The following BCKDHB variants were observed in gnomAD, a reference collection of about 807,000 sequenced individuals.
The protein encoded by BCKDHB is branched chain keto acid dehydrogenase E1 subunit beta, also known as 2-oxoisovalerate dehydrogenase subunit beta, mitochondrial.
Under a neutral mutation model 48.5 loss-of-function variants are expected in BCKDHB, and 41 were observed. The ratio of observed to expected loss-of-function variants is 0.85; its 90% CI spans 0.66 to 1.10. The LOEUF is 1.10. Ranked by LOEUF, BCKDHB falls within the 50% of genes least tolerant of loss-of-function variation. The pLI, the probability that BCKDHB is intolerant of heterozygous loss-of-function variation, is 0.00. For missense variants in BCKDHB, 496 were observed against 494.2 expected (o/e 1.00, Z -0.03); for synonymous variants, 201 against 174.8 (o/e 1.15, Z -1.18).
At chr6:80,384,355 T>C in the BCKDHB span, among the ~76,000 whole-genome samples, 1 of 151,770 alleles carries the variant, frequency 6.6e-6, no homozygotes, top group African/African-American at 2.4e-5. Flanking sequence ...CTTCTTTTTT[T>C]TTTTTTTTGT....
chr6:80,278,434 T>C (rs1270813153), intron 9 of BCKDHB, among the ~76,000 whole-genome samples: 1 of 152,222 alleles, frequency 6.6e-6, no homozygotes, highest in African/African-American at 2.4e-5. Flanking sequence ...TGGATTGGGC[T>C]GCTTCATTAC....
intron 1 of BCKDHB, 129 bp downstream of exon 1, chr6:80,107,018 G>GAAGTT: frequency 8.2e-7 from 1 of 1,220,042 alleles, no homozygotes; most frequent in Non-Finnish European, 1.2e-6. Flanking sequence ...TGACTCTCTG[G>GAAGTT]AACCTCCTTG....
At chr6:80,245,523 T>C (rs952131696) in intron 8 of BCKDHB, among the ~76,000 whole-genome samples, 76 of 152,226 alleles carry the variant, frequency 5.0e-4, no homozygotes, top group African/African-American at 1.8e-3. Context: ...AAAAACACGA[T>C]AGAGATCATT....
intron 9 of BCKDHB, among the ~76,000 whole-genome samples, chr6:80,330,614 C>T (rs1272731397): frequency 3.3e-5 from 5 of 152,080 alleles, no homozygotes. Context: ...CTGGCAAATA[C>T]CTCCCTAAAT....
the BCKDHB span, among the ~76,000 whole-genome samples, chr6:80,457,740 A>T: frequency 3.8e-3 from 584 of 152,310 alleles, 7 homozygotes; most frequent in African/African-American, 0.013. Context: ...CTTGTTGCTA[A>T]CATACTCATC....
intron 9 of BCKDHB, among the ~76,000 whole-genome samples, chr6:80,330,898 A>G: frequency 6.6e-6 from 1 of 152,146 alleles, no homozygotes; most frequent in Non-Finnish European, 1.5e-5. Flanking sequence ...TTACTATGTC[A>G]CAAATTTTAC....
chr6:80,413,452 C>T, the BCKDHB span, among the ~76,000 whole-genome samples: 1 of 152,158 alleles, frequency 6.6e-6, no homozygotes, highest in Admixed American at 6.5e-5. Flanking sequence ...CCTTTTCCCA[C>T]CCTCCACTCT....
rs999814718 is a variant in BCKDHB at position 80,220,739 on chromosome 6, T to TC, written c.951+17527_951+17528insC. Among the ~76,000 whole-genome samples, 9 of 138,004 alleles carry TC rather than the reference T, an allele frequency of 6.5e-5. No individual in the cohort carries two copies. In the South Asian group the frequency reaches 1.3e-3, roughly 20 times the overall value. 90.5% of individuals were successfully genotyped at this position (138,004 alleles called of 152,430 possible). A position where few individuals can be genotyped will look rare whatever the true frequency, so the allele number is the denominator to read the frequency against. Reference sequence around the variant, plus strand: ...GCTCTTTTTCTTTTCTTTTTCTTTTTTTTTTTTTTTTTGAGATGGAGTTTT... The same window carrying TC: ...GCTCTTTTTCTTTTCTTTTTCTTTTTCTTTTTTTTTTTTGAGATGGAGTTTT... On this transcript the variant is annotated intron_variant, in intron 8 of 9. Coordinates refer to ENST00000320393, the MANE Select transcript of BCKDHB (RefSeq NM_183050.4).
chr6:80,134,862 T>C (rs2505935), intron 3 of BCKDHB, among the ~76,000 whole-genome samples: 93,726 of 151,834 alleles, frequency 0.62, 29,174 homozygotes, highest in South Asian at 0.77. Context: ...AAGTGATTCT[T>C]GTGCCTCAGC....
chr6:80,226,660 A>AT (rs1775692401), intron 8 of BCKDHB, among the ~76,000 whole-genome samples: 1 of 152,204 alleles, frequency 6.6e-6, no homozygotes, highest in Non-Finnish European at 1.5e-5. Context: ...AAGAAGCTGA[A>AT]TTTTCTTGGA....
chr6:80,229,852 T>C (rs1046832811), intron 8 of BCKDHB, among the ~76,000 whole-genome samples: 5 of 151,844 alleles, frequency 3.3e-5, no homozygotes, highest in East Asian at 1.9e-4. Context: ...TAAAATACTT[T>C]AGAATAAATT....
chr6:80,388,419 T>C, the BCKDHB span, among the ~76,000 whole-genome samples: 2 of 152,202 alleles, frequency 1.3e-5, no homozygotes, highest in African/African-American at 2.4e-5. Flanking sequence ...AGACAGCTCC[T>C]GGCCTGTTAC....
At chr6:80,248,301 G>A (rs1167831033) in intron 8 of BCKDHB, among the ~76,000 whole-genome samples, 1 of 152,090 alleles carries the variant, frequency 6.6e-6, no homozygotes, top group Non-Finnish European at 1.5e-5. Flanking sequence ...ATCTGTGATT[G>A]TTTCTGTTTT....
chr6:80,433,452 A>G, the BCKDHB span, among the ~76,000 whole-genome samples: 1 of 152,094 alleles, frequency 6.6e-6, no homozygotes, highest in African/African-American at 2.4e-5. Flanking sequence ...GGCTTTGTTT[A>G]TACTGTAAGG....
the BCKDHB span, among the ~76,000 whole-genome samples, chr6:80,440,384 G>A: frequency 6.6e-6 from 1 of 152,164 alleles, no homozygotes; most frequent in Non-Finnish European, 1.5e-5. Context: ...ATAAGTGAAT[G>A]TCACATAAAA....
chr6:80,140,044 G>T (rs1458385195), intron 3 of BCKDHB, among the ~76,000 whole-genome samples: 1 of 152,070 alleles, frequency 6.6e-6, no homozygotes. Flanking sequence ...GGATTCCTAA[G>T]TATTTTATTC....
chr6:80,287,832 C>T (rs146704988), intron 9 of BCKDHB, among the ~76,000 whole-genome samples: 12 of 152,306 alleles, frequency 7.9e-5, no homozygotes, highest in Admixed American at 7.2e-4. Context: ...CCCTTATCTG[C>T]ACAAAACATG....
chr6:80,410,900 A>T, the BCKDHB span, among the ~76,000 whole-genome samples: 12 of 152,234 alleles, frequency 7.9e-5, no homozygotes, highest in African/African-American at 2.9e-4. Flanking sequence ...ATGCTCCTTT[A>T]GCTTGGAGAA....
chr6:80,182,590 G>T (rs889351016), intron 6 of BCKDHB, among the ~76,000 whole-genome samples: 3 of 152,084 alleles, frequency 2.0e-5, no homozygotes, highest in African/African-American at 7.2e-5. Context: ...TATAGTGAAA[G>T]TTCCCTTTTC....
Sources: allele counts gnomAD v4.1 joint callset (sites outside exome capture counted in the v4.1 genomes callset), GRCh38; gene constraint gnomAD v4.1.1; transcripts MANE v1.5; gene names NCBI Gene and HGNC (gene_info 2026-07-23, HGNC 2026-07-21).